NRXN1: variants seen among roughly 807,000 people sequenced by gnomAD.
NRXN1 encodes the protein neurexin-1.
NRXN1 carries 39 observed loss-of-function variants against 150.9 expected under a neutral mutation model. That is an observed-to-expected ratio of 0.26 (90% CI 0.20 to 0.34). The LOEUF (loss-of-function observed/expected upper bound fraction) is 0.34, where lower values mean the gene tolerates loss of function less well. NRXN1 is among the 10% of genes least tolerant of loss of function. NRXN1 has a pLI of 1.00. For synonymous variants in NRXN1, 924 were observed against 757.0 expected (o/e 1.22, Z -3.62); for missense variants, 1,815 against 1,949.9 (o/e 0.93, Z 1.30).
At chr2:50,782,408 G>T (rs1335253348) in intron 5 of NRXN1, among the ~76,000 whole-genome samples, 2 of 152,008 alleles carry the variant, frequency 1.3e-5, no homozygotes, top group African/African-American at 2.4e-5. Context: ...AAAAGGGGTT[G>T]CAGTGAGCCG....
intron 19 of NRXN1, among the ~76,000 whole-genome samples, chr2:50,088,513 C>T (rs988359154): frequency 1.3e-5 from 2 of 152,108 alleles, no homozygotes; most frequent in African/African-American, 4.8e-5. Context: ...ACTTTGCCCA[C>T]TCTTGGTTTA....
intron 2 of NRXN1, among the ~76,000 whole-genome samples, chr2:50,926,418 T>C (rs1686896039): frequency 6.6e-6 from 1 of 152,000 alleles, no homozygotes; most frequent in African/African-American, 2.4e-5. Context: ...CTACCAAATA[T>C]ATTATCCATA....
intron 17 of NRXN1, among the ~76,000 whole-genome samples, chr2:50,348,065 T>A (rs912279498): frequency 2.6e-5 from 4 of 152,210 alleles, no homozygotes; most frequent in African/African-American, 9.6e-5. Flanking sequence ...ATGTAACCAG[T>A]GTCTTTAGAG....
chr2:50,681,954 A>G (rs1316015557), intron 5 of NRXN1, among the ~76,000 whole-genome samples: 1 of 152,182 alleles, frequency 6.6e-6, no homozygotes, highest in Non-Finnish European at 1.5e-5. Context: ...TGTCTCATCT[A>G]TAAAACAGAA....
At chr2:50,229,828 G>T (rs1357007829) in intron 18 of NRXN1, among the ~76,000 whole-genome samples, 1 of 152,030 alleles carries the variant, frequency 6.6e-6, no homozygotes, top group African/African-American at 2.4e-5. Flanking sequence ...TTGAAAAATA[G>T]TTAGTAGCTA....
At chr2:50,962,365 G>A (rs1166985573) in intron 2 of NRXN1, among the ~76,000 whole-genome samples, 1 of 151,592 alleles carries the variant, frequency 6.6e-6, no homozygotes, top group African/African-American at 2.4e-5. Flanking sequence ...GTAGTTGCTA[G>A]GCAAGTTCTA....
At chr2:50,351,487 C>T (rs945838535) in intron 17 of NRXN1, among the ~76,000 whole-genome samples, 2 of 151,992 alleles carry the variant, frequency 1.3e-5, no homozygotes, top group African/African-American at 2.4e-5. Flanking sequence ...ATTGGTCCAA[C>T]GAAAGTTAGG....
chr2:50,530,445 TATAAAA>T (rs1162929319), intron 11 of NRXN1, among the ~76,000 whole-genome samples: 1 of 152,196 alleles, frequency 6.6e-6, no homozygotes, highest in African/African-American at 2.4e-5. Context: ...GAGTATAATT[TATAAAA>T]ATAAAAACTG....
intron 17 of NRXN1, among the ~76,000 whole-genome samples, chr2:50,457,233 A>G (rs1285320014): frequency 1.3e-5 from 2 of 152,128 alleles, no homozygotes; most frequent in Non-Finnish European, 2.9e-5. Context: ...GGGGAAAAGC[A>G]TAAGGTTTAA....
chr2:50,073,989 AG>A (rs1696681462), intron 19 of NRXN1, among the ~76,000 whole-genome samples: 1 of 152,118 alleles, frequency 6.6e-6, no homozygotes. Context: ...ACATTTTTTA[AG>A]GCCTGGAAAG....
rs1000651462 is a variant in NRXN1, at chr2:49,918,992, C to G, written c.*2952G>C. 2 of 152,014 alleles carry G rather than the reference C, an allele frequency of 1.3e-5. No homozygotes were observed. Among genetic ancestry groups the G allele is most frequent in the Non-Finnish European group, 2.9e-5 (2 of 67,946 alleles). The allele number at this position is 152,014 out of a possible 1,614,324, so 9.4% of individuals were successfully genotyped here. A position where few individuals can be genotyped will look rare whatever the true frequency, so the allele number is the denominator to read the frequency against. The stretch of plus-strand genomic sequence containing the variant: ...AAGAAGAAGAAAACCCCTTTGATAC[C>G]CAATCACACAAAGCACTAGAAGGGT... On this transcript the variant is annotated 3_prime_UTR_variant, in exon 23 of 23. Coordinates refer to ENST00000401669, the MANE Select transcript of NRXN1 (RefSeq NM_001330078.2).
intron 8 of NRXN1, among the ~76,000 whole-genome samples, chr2:50,584,829 T>C (rs1365640798): frequency 6.6e-6 from 1 of 152,166 alleles, no homozygotes; most frequent in Non-Finnish European, 1.5e-5. Context: ...TATATCTATA[T>C]GAATGTGATG....
chr2:50,532,119 C>T (rs1442635173), intron 10 of NRXN1, among the ~76,000 whole-genome samples: 1 of 152,078 alleles, frequency 6.6e-6, no homozygotes, highest in African/African-American at 2.4e-5. Context: ...CAAAAGGAAC[C>T]TGTGCCCAGC....
chr2:50,686,225 G>A (rs543002231), intron 5 of NRXN1, among the ~76,000 whole-genome samples: 1 of 152,172 alleles, frequency 6.6e-6, no homozygotes, highest in South Asian at 2.1e-4. Flanking sequence ...GGATGGCAGA[G>A]TGTTTTATTT....
intron 5 of NRXN1, among the ~76,000 whole-genome samples, chr2:50,636,364 T>A: frequency 6.6e-6 from 1 of 152,176 alleles, no homozygotes; most frequent in Admixed American, 6.5e-5. Flanking sequence ...CTACTTAGCC[T>A]CACTGGGCCT....
intron 5 of NRXN1, chr2:50,912,118 G>A (rs1429464281): frequency 5.9e-5 from 9 of 151,862 alleles, no homozygotes; most frequent in Admixed American, 5.3e-4. Flanking sequence ...TCACCATGAA[G>A]ATTAAGTCCT....
intron 17 of NRXN1, among the ~76,000 whole-genome samples, chr2:50,301,753 T>C (rs1242566183): frequency 5.9e-5 from 9 of 152,198 alleles, no homozygotes; most frequent in Non-Finnish European, 1.0e-4. Context: ...GGAGCACAGA[T>C]GAACAGCATG....
At chr2:50,897,198 C>T (rs983677637) in intron 5 of NRXN1, among the ~76,000 whole-genome samples, 3 of 152,168 alleles carry the variant, frequency 2.0e-5, no homozygotes, top group Non-Finnish European at 2.9e-5. Context: ...CTTCACCTAA[C>T]AAATAAGTAT....
chr2:51,015,677 T>C (rs551971451), intron 2 of NRXN1, among the ~76,000 whole-genome samples: 4 of 151,946 alleles, frequency 2.6e-5, no homozygotes, highest in Non-Finnish European at 5.9e-5. Context: ...TATTTAAATA[T>C]CATTTGAAGT....
Sources: gnomAD v4.1 joint callset for allele counts (sites outside exome capture counted in the v4.1 genomes callset) on GRCh38, gnomAD v4.1.1 for gene constraint, MANE v1.5 for transcripts, NCBI Gene and HGNC (gene_info 2026-07-23, HGNC 2026-07-21) for gene names.